Variants in NSMAF observed in about 807,000 individuals in gnomAD.
NSMAF encodes the protein neutral sphingomyelinase activation associated factor, also known as protein FAN.
Under a neutral mutation model 134.9 loss-of-function variants are expected in NSMAF, and 90 were observed. The ratio of observed to expected loss-of-function variants is 0.67; its 90% CI spans 0.56 to 0.79. The LOEUF (loss-of-function observed/expected upper bound fraction) is 0.79. Ranked by LOEUF, NSMAF falls within the 30% of genes least tolerant of loss-of-function variation. The pLI, the probability that NSMAF is intolerant of heterozygous loss-of-function variation, is 0.00. For synonymous variants in NSMAF, 358 were observed against 389.6 expected, an observed-to-expected ratio of 0.92 and a Z score of 0.96; for missense variants, 1,010 against 1,119.0, an observed-to-expected ratio of 0.90 and a Z score of 1.39.
intron 6 of NSMAF, 159 bp downstream of exon 6, chr8:58,631,337 C>A: frequency 2.6e-6 from 1 of 379,186 alleles, no homozygotes; most frequent in South Asian, 6.6e-5. Flanking sequence ...GAAATAAAAT[C>A]TGTGGCTCCC....
chr8:58,649,288 T>C (rs1234814423), intron 1 of NSMAF, among the ~76,000 whole-genome samples: 2 of 152,226 alleles, frequency 1.3e-5, no homozygotes, highest in African/African-American at 4.8e-5. Flanking sequence ...ATGGGAATGT[T>C]TACCCAATGC....
intron 9 of NSMAF, among the ~76,000 whole-genome samples, chr8:58,621,249 C>G (rs1806782215): frequency 6.6e-6 from 1 of 152,204 alleles, no homozygotes; most frequent in South Asian, 2.1e-4. Flanking sequence ...CCGTGGCCTC[C>G]AGCTCCATCC....
intron 10 of NSMAF, among the ~76,000 whole-genome samples, chr8:58,609,345 A>C (rs1490076077): frequency 6.6e-6 from 1 of 152,228 alleles, no homozygotes; most frequent in African/African-American, 2.4e-5. Flanking sequence ...AATAGGGAGG[A>C]GCAGGGTTTC....
intron 1 of NSMAF, among the ~76,000 whole-genome samples, chr8:58,653,200 A>G (rs1279519435): frequency 6.6e-6 from 1 of 152,234 alleles, no homozygotes; most frequent in African/African-American, 2.4e-5. Flanking sequence ...AAGCATTAGA[A>G]AAACAAATAA....
intron 1 of NSMAF, among the ~76,000 whole-genome samples, chr8:58,651,428 T>C (rs1035343411): frequency 1.3e-5 from 2 of 152,180 alleles, no homozygotes; most frequent in African/African-American, 4.8e-5. Context: ...ATCACTCAGC[T>C]GGACTCTAGA....
At chr8:58,650,358 T>A (rs909426746) in intron 1 of NSMAF, among the ~76,000 whole-genome samples, 5 of 152,244 alleles carry the variant, frequency 3.3e-5, no homozygotes, top group African/African-American at 1.2e-4. Flanking sequence ...TAACTATGTA[T>A]AACCTTCTTG....
intron 9 of NSMAF, among the ~76,000 whole-genome samples, chr8:58,619,633 CT>C (rs1416897789): frequency 6.6e-6 from 1 of 152,094 alleles, no homozygotes; most frequent in Non-Finnish European, 1.5e-5. Context: ...CTATTGCATT[CT>C]ATATATCAAC....
intron 1 of NSMAF, among the ~76,000 whole-genome samples, chr8:58,652,762 T>A (rs1807615584): frequency 6.6e-6 from 1 of 152,166 alleles, no homozygotes; most frequent in African/African-American, 2.4e-5. Context: ...TGGATAATCT[T>A]CAAAATGCTG....
intron 1 of NSMAF, among the ~76,000 whole-genome samples, chr8:58,643,435 G>C (rs116579426): frequency 0.027 from 4,108 of 152,112 alleles, 205 homozygotes; most frequent in African/African-American, 0.093. Context: ...ACAATGCTAG[G>C]CTTCCCCACC....
At chr8:58,592,121 C>T (rs1282061391) in intron 23 of NSMAF, among the ~76,000 whole-genome samples, 1 of 152,152 alleles carries the variant, frequency 6.6e-6, no homozygotes, top group Non-Finnish European at 1.5e-5. Flanking sequence ...CCCAACCTTG[C>T]TTTTGATTCT....
chr8:58,586,314 T>C, intron 28 of NSMAF, 144 bp downstream of exon 28: 1 of 778,302 alleles, frequency 1.3e-6, no homozygotes, highest in African/African-American at 1.8e-5. Flanking sequence ...CATAAAGCAG[T>C]GTTAGCCATT....
intron 10 of NSMAF, among the ~76,000 whole-genome samples, chr8:58,608,579 AG>A (rs1214813505): frequency 6.6e-6 from 1 of 152,170 alleles, no homozygotes. Context: ...AGTATTGGGA[AG>A]GGGTAAAGGC....
intron 2 of NSMAF, among the ~76,000 whole-genome samples, chr8:58,636,071 T>C (rs1028843335): frequency 8.5e-5 from 13 of 152,256 alleles, no homozygotes; most frequent in African/African-American, 3.1e-4. Context: ...CCATTTCATA[T>C]CATTTTTCCA....
chr8:58,603,282 G>A lies in NSMAF; in HGVS notation c.973C>T (p.Arg325Cys), dbSNP rs140279762. 2.5e-5 allele frequency: 41 copies of A among 1,614,040 alleles called. No individual in the cohort carries two copies. Among genetic ancestry groups the A allele is most frequent in the South Asian group, 5.5e-5 (5 of 91,088 alleles). ...YLLHLNNLADRSCNDLSQYPV... is the reference protein window; with the variant it reads ...YLLHLNNLADCSCNDLSQYPV... ...TACTGGGAGAGGTCGTTGCAGCTGC[G>A]GTCGGCCAGGTTGTTGAGGTGAAGG... The change falls in exon 13 of 31, where the codon CGC becomes TGC. Residue 325 changes from arginine (R) to cysteine (C), a missense_variant. Transcript: ENST00000038176.
chr8:58,614,539 A>G (rs1806611457), intron 9 of NSMAF, among the ~76,000 whole-genome samples: 2 of 152,178 alleles, frequency 1.3e-5, no homozygotes. Flanking sequence ...GTTATGTGCA[A>G]TCCTGAGTTA....
At chr8:58,614,266 A>G (rs1486167721) in intron 9 of NSMAF, among the ~76,000 whole-genome samples, 1 of 152,248 alleles carries the variant, frequency 6.6e-6, no homozygotes, top group Non-Finnish European at 1.5e-5. Context: ...ATATTATCTA[A>G]TGTGCTCTGA....
intron 9 of NSMAF, among the ~76,000 whole-genome samples, chr8:58,617,901 G>A (rs1022404164): frequency 6.6e-6 from 1 of 152,130 alleles, no homozygotes; most frequent in Non-Finnish European, 1.5e-5. Context: ...GCAAAGACTT[G>A]GAACCAACCC....
chr8:58,599,707 G>A (rs952943130), intron 18 of NSMAF, 43 bp downstream of exon 18: 1 of 1,583,852 alleles, frequency 6.3e-7, no homozygotes, highest in Non-Finnish European at 8.6e-7. Context: ...GCACTACTTG[G>A]TAAAGCATGT....
chr8:58,650,275 TTTG>T (rs1807554180), intron 1 of NSMAF, among the ~76,000 whole-genome samples: 1 of 152,204 alleles, frequency 6.6e-6, no homozygotes, highest in Non-Finnish European at 1.5e-5. Context: ...TGGAAGTTTT[TTTG>T]TTTTTATTTT....
Sources: allele counts gnomAD v4.1 joint callset (sites outside exome capture counted in the v4.1 genomes callset), GRCh38; gene constraint gnomAD v4.1.1; transcripts MANE v1.5; gene names NCBI Gene and HGNC (gene_info 2026-07-23, HGNC 2026-07-21).